The following KCNT2 variants were observed in gnomAD, a reference collection of about 807,000 sequenced individuals.
KCNT2 encodes the protein potassium sodium-activated channel subfamily T member 2.
KCNT2 carries 67 observed loss-of-function variants against 153.8 expected under a neutral mutation model. The ratio of observed to expected loss-of-function variants is 0.44; its 90% confidence interval spans 0.36 to 0.53. The LOEUF (loss-of-function observed/expected upper bound fraction) is 0.53, where lower values mean the gene tolerates loss of function less well. Among genes scored for constraint, KCNT2 ranks in the 20% least tolerant of loss-of-function variants. The probability of loss-of-function intolerance (pLI) is 0.00; values close to 1 mark genes in which losing one functional copy is unlikely to be tolerated. For missense variants in KCNT2, 975 were observed against 1,354.8 expected (o/e 0.72, Z 4.40); for synonymous variants, 500 against 458.8 (o/e 1.09, Z -1.15).
At chr1:196,559,072 A>T (rs983128833) in intron 1 of KCNT2, among the ~76,000 whole-genome samples, 2 of 151,382 alleles carry the variant, frequency 1.3e-5, no homozygotes, top group African/African-American at 4.8e-5. Flanking sequence ...AAAAAAAAAA[A>T]TCACTGAATA....
At chr1:196,294,235 T>C (rs1201227096) in intron 22 of KCNT2, among the ~76,000 whole-genome samples, 4 of 152,088 alleles carry the variant, frequency 2.6e-5, no homozygotes, top group African/African-American at 4.8e-5. Context: ...AGAGAACCCT[T>C]TGCACTGTTG....
At chr1:196,398,815 C>T (rs992993140) in intron 12 of KCNT2, 144 bp from the exon 13 acceptor site, 3 of 488,270 alleles carry the variant, frequency 6.1e-6, no homozygotes, top group African/African-American at 4.0e-5. Flanking sequence ...TTAAGGATAC[C>T]TATTATTTCC....
intron 8 of KCNT2, among the ~76,000 whole-genome samples, chr1:196,453,225 G>A (rs973762853): frequency 6.6e-6 from 1 of 151,730 alleles, no homozygotes; most frequent in African/African-American, 2.4e-5. Flanking sequence ...GCAGTAGAAC[G>A]ATATTCTTAG....
intron 12 of KCNT2, 38 bp from the exon 13 acceptor site, chr1:196,398,709 A>T (rs984532148): frequency 3.8e-6 from 4 of 1,065,120 alleles, no homozygotes; most frequent in East Asian, 4.8e-5. Flanking sequence ...AGCATAAGTT[A>T]CAATGTTTAT....
chr1:196,328,491 G>GA (rs1290266162), intron 18 of KCNT2, among the ~76,000 whole-genome samples: 3 of 151,786 alleles, frequency 2.0e-5, no homozygotes, highest in Non-Finnish European at 4.4e-5. Context: ...GAGATGTGAT[G>GA]AAAAATCAAA....
intron 19 of KCNT2, among the ~76,000 whole-genome samples, chr1:196,320,971 AT>A (rs1663251821): frequency 7.4e-6 from 1 of 134,728 alleles, no homozygotes; most frequent in Admixed American, 7.3e-5. Context: ...CGAAGACCTT[AT>A]TTTCTTTTTT....
intron 8 of KCNT2, among the ~76,000 whole-genome samples, chr1:196,455,770 C>T (rs931013182): frequency 6.6e-6 from 1 of 151,860 alleles, no homozygotes; most frequent in Non-Finnish European, 1.5e-5. Context: ...TGGCAATTCT[C>T]AGGAAAGCAG....
chr1:196,403,036 A>G (rs900003247), intron 12 of KCNT2, among the ~76,000 whole-genome samples: 4 of 151,692 alleles, frequency 2.6e-5, no homozygotes, highest in Non-Finnish European at 5.9e-5. Flanking sequence ...GTATACCCTA[A>G]CCAAATAATC....
At chr1:196,447,093 T>C (rs1421064872) in intron 8 of KCNT2, among the ~76,000 whole-genome samples, 2 of 151,588 alleles carry the variant, frequency 1.3e-5, no homozygotes, top group Non-Finnish European at 3.0e-5. Flanking sequence ...CACTGTTTCA[T>C]TTTTTCTTTC....
chr1:196,320,136 A>G (rs1447527978), intron 19 of KCNT2, among the ~76,000 whole-genome samples: 1 of 151,746 alleles, frequency 6.6e-6, no homozygotes, highest in African/African-American at 2.4e-5. Context: ...ATTTATTGAT[A>G]TACTCTCTAT....
At chr1:196,382,127 C>A (rs1035822029) in intron 13 of KCNT2, among the ~76,000 whole-genome samples, 4 of 48,728 alleles carry the variant, frequency 8.2e-5, no homozygotes, top group African/African-American at 2.1e-4. Context: ...GAGATGGAGT[C>A]TCCCTCTGTC....
chr1:196,564,757 T>C (rs1481256692), intron 1 of KCNT2, among the ~76,000 whole-genome samples: 1 of 151,842 alleles, frequency 6.6e-6, no homozygotes, highest in Non-Finnish European at 1.5e-5. Flanking sequence ...GAAAGGACAA[T>C]CTCTTCAATA....
At chr1:196,579,747 C>T (rs551349310) in intron 1 of KCNT2, among the ~76,000 whole-genome samples, 11 of 152,018 alleles carry the variant, frequency 7.2e-5, no homozygotes, top group Non-Finnish European at 1.6e-4. Flanking sequence ...CCCACCTCTC[C>T]CTCCAAAAGT....
At chr1:196,265,839 ATT>A (rs1338183922) in intron 25 of KCNT2, among the ~76,000 whole-genome samples, 1 of 152,184 alleles carries the variant, frequency 6.6e-6, no homozygotes, top group East Asian at 1.9e-4. Flanking sequence ...CAAGAGGTTA[ATT>A]CAAACCCAAC....
Position 196,465,321 on chromosome 1 carries a change from A to C in KCNT2, c.610T>G (p.Ser204Ala). ...AMFNQVLILI[S>A]TLLCLIFTCI... is the part of the protein sequence containing the mutation. ...GTGAAGATAAGGCATAGTAATGTAGATATTAAAATCAAAACTTGATTAAAC... is the reference window on the plus strand; with the variant it reads ...GTGAAGATAAGGCATAGTAATGTAGCTATTAAAATCAAAACTTGATTAAAC... The change falls in exon 8 of 28, where the codon TCT becomes GCT. Residue 204 changes from serine (S) to alanine (A), a missense_variant. This residue lies in a region of KCNT2 where 202 missense variants were observed against 314.9 expected (regional missense o/e 0.64). Coordinates refer to ENST00000294725, the MANE Select transcript of KCNT2 (RefSeq NM_198503.5). The C allele has an allele frequency of 6.3e-7, 1 of 1,594,598 alleles. No homozygotes were observed. Among genetic ancestry groups the C allele is most frequent in the Non-Finnish European group, 8.6e-7 (1 of 1,162,906 alleles).
chr1:196,326,306 T>C (rs1572045646), intron 19 of KCNT2, among the ~76,000 whole-genome samples: 1 of 152,002 alleles, frequency 6.6e-6, no homozygotes, highest in Non-Finnish European at 1.5e-5. Context: ...TTATAACATA[T>C]AAAAATGGAT....
chr1:196,409,937 C>T (rs1294633731), intron 12 of KCNT2, among the ~76,000 whole-genome samples: 1 of 151,676 alleles, frequency 6.6e-6, no homozygotes, highest in Non-Finnish European at 1.5e-5. Context: ...TTTTGAATTT[C>T]TCCACATCAC....
chr1:196,250,884 C>G (rs1655902529), intron 26 of KCNT2, among the ~76,000 whole-genome samples: 1 of 152,040 alleles, frequency 6.6e-6, no homozygotes, highest in African/African-American at 2.4e-5. Flanking sequence ...CTCAATGTCA[C>G]TGATCATCAG....
intron 4 of KCNT2, among the ~76,000 whole-genome samples, chr1:196,482,024 A>C (rs1053910426): frequency 2.4e-4 from 36 of 152,316 alleles, no homozygotes; most frequent in Admixed American, 2.1e-3. Flanking sequence ...GAATCATATA[A>C]CAGGAATACT....
Sources: gnomAD v4.1 joint callset for allele counts (sites outside exome capture counted in the v4.1 genomes callset) on GRCh38, gnomAD v4.1.1 for gene constraint, gnomAD v4.1.1 regional missense constraint, MANE v1.5 for transcripts, NCBI Gene and HGNC (gene_info 2026-07-23, HGNC 2026-07-21) for gene names.